Variants in ANK3 observed in about 807,000 individuals in gnomAD.
ANK3 encodes the protein ankyrin 3, also known as ankyrin-3.
Under a neutral mutation model 370.9 loss-of-function variants are expected in ANK3, and 57 were observed. That is an observed-to-expected ratio of 0.15 (90% CI 0.12 to 0.19). The LOEUF (loss-of-function observed/expected upper bound fraction) is 0.19. ANK3 is among the 10% of genes least tolerant of loss of function. The pLI is 1.00. For synonymous variants in ANK3, 1,929 were observed against 1,946.3 expected (o/e 0.99, Z 0.23); for missense variants, 4,439 against 5,302.1 (o/e 0.84, Z 5.06).
intron 9 of ANK3, among the ~76,000 whole-genome samples, chr10:60,210,503 G>A (rs1010355380): frequency 6.6e-6 from 1 of 152,164 alleles, no homozygotes; most frequent in Non-Finnish European, 1.5e-5. Flanking sequence ...TGGCAAGGAA[G>A]GAGCAAAACC....
At chr10:60,462,770 A>T (rs2064918564) in intron 2 of ANK3, among the ~76,000 whole-genome samples, 1 of 151,956 alleles carries the variant, frequency 6.6e-6, no homozygotes, top group South Asian at 2.1e-4. Flanking sequence ...AATTGGCTGG[A>T]GTGATGCCCA....
intron 1 of ANK3, among the ~76,000 whole-genome samples, chr10:60,348,862 A>C (rs1339649655): frequency 6.6e-6 from 1 of 152,238 alleles, no homozygotes; most frequent in Non-Finnish European, 1.5e-5. Context: ...TAAGGTCTCC[A>C]TAATTGTACA....
In ANK3 at chr10:60,068,742, G is replaced by C; in HGVS notation, c.12139C>G (p.Pro4047Ala). 1 of 1,614,152 alleles carries C rather than the reference G, an allele frequency of 6.2e-7. No homozygotes were observed. Among genetic ancestry groups the C allele is most frequent in the Non-Finnish European group, 8.5e-7 (1 of 1,180,014 alleles). ...CTAGCAGACTTCGTTGTAACCGAAG[G>C]CTGGCCACCCCGGGAAGTCTCGGAC... ...SLSETSRGGQ[P>A]SVTTKSARDK... Residue 4047 changes from proline (P) to alanine (A), a missense_variant, in exon 37 of 44, where the codon CCT becomes GCT. Coordinates refer to ENST00000280772, the MANE Select transcript of ANK3 (RefSeq NM_020987.5).
At chr10:60,124,469 C>A (rs2093655582) in intron 25 of ANK3, among the ~76,000 whole-genome samples, 1 of 152,140 alleles carries the variant, frequency 6.6e-6, no homozygotes, top group African/African-American at 2.4e-5. Context: ...GCCACTGTGC[C>A]CAGCCTACCT....
At chr10:60,316,570 A>G (rs1292696784) in intron 1 of ANK3, among the ~76,000 whole-genome samples, 1 of 152,190 alleles carries the variant, frequency 6.6e-6, no homozygotes, top group Non-Finnish European at 1.5e-5. Flanking sequence ...AGGTTAATTA[A>G]TGTATATAAA....
At chr10:60,159,077 G>C (rs965832350) in intron 23 of ANK3, among the ~76,000 whole-genome samples, 10 of 152,266 alleles carry the variant, frequency 6.6e-5, no homozygotes, top group Non-Finnish European at 1.2e-4. Context: ...GGCATAGTAA[G>C]TTCTTACCTA....
At chr10:60,602,003 A>T (rs547281490) in intron 2 of ANK3, among the ~76,000 whole-genome samples, 42 of 151,530 alleles carry the variant, frequency 2.8e-4, no homozygotes, top group African/African-American at 1.0e-3. Context: ...GCTTGTGCAT[A>T]AAATCTTCCT....
intron 2 of ANK3, among the ~76,000 whole-genome samples, chr10:60,537,189 T>C (rs759237734): frequency 5.9e-5 from 9 of 152,076 alleles, no homozygotes; most frequent in African/African-American, 9.7e-5. Context: ...TCAGAGACTG[T>C]TATTTTGTAG....
rs1589516011 is a variant in ANK3, at chr10:60,068,936, A to G, written c.11945T>C (p.Val3982Ala). The G allele has an allele frequency of 1.2e-6, 2 of 1,613,488 alleles. No individual in the cohort carries two copies. Among genetic ancestry groups the G allele is most frequent in the East Asian group, 2.2e-5 (1 of 44,850 alleles). Residue 3982 changes from valine (V) to alanine (A), a missense_variant, in exon 37 of 44, where the codon GTT becomes GCT. This residue lies in a region of ANK3 where 496 missense variants were observed against 529.3 expected (regional missense o/e 0.94). Coordinates refer to ENST00000280772, the MANE Select transcript of ANK3 (RefSeq NM_020987.5). ...TTTTTTTSCT[V>A]KVRKSQLKEV... ...CTTGAGCTGACTTTTCCTAACTTTA[A>G]CTGTGCAGCTGGTGGTGGTGGTAGT... is the stretch of plus-strand genomic sequence containing the variant.
At chr10:60,588,671 A>T (rs1251759154) in intron 2 of ANK3, among the ~76,000 whole-genome samples, 1 of 152,088 alleles carries the variant, frequency 6.6e-6, no homozygotes, top group Non-Finnish European at 1.5e-5. Flanking sequence ...CTGTAATCCC[A>T]GCACTGTGGG....
At chr10:60,221,137 T>G (rs1157033914) in intron 8 of ANK3, among the ~76,000 whole-genome samples, 2 of 150,318 alleles carry the variant, frequency 1.3e-5, no homozygotes, top group Non-Finnish European at 2.9e-5. Flanking sequence ...TGGAGAGCAA[T>G]AGTGTGATCT....
chr10:60,148,495 G>C (rs1403189003), intron 23 of ANK3, among the ~76,000 whole-genome samples: 1 of 152,132 alleles, frequency 6.6e-6, no homozygotes, highest in Non-Finnish European at 1.5e-5. Flanking sequence ...ACAGAATAAA[G>C]AGAATTCAGG....
chr10:60,180,265 G>A (rs998435433), intron 18 of ANK3, among the ~76,000 whole-genome samples: 1 of 150,900 alleles, frequency 6.6e-6, no homozygotes, highest in African/African-American at 2.4e-5. Context: ...ACAATATTTA[G>A]TAGTCATTCT....
At chr10:60,714,539 A>C (rs759758139) in intron 1 of ANK3, among the ~76,000 whole-genome samples, 6 of 152,244 alleles carry the variant, frequency 3.9e-5, no homozygotes, top group Non-Finnish European at 8.8e-5. Flanking sequence ...CATCTTGACC[A>C]AGTAAGATTT....
intron 2 of ANK3, among the ~76,000 whole-genome samples, chr10:60,423,298 G>T (rs2063815307): frequency 6.6e-6 from 1 of 150,648 alleles, no homozygotes; most frequent in Non-Finnish European, 1.5e-5. Flanking sequence ...GACAATCATT[G>T]ATTTTTAAAT....
At position 60,196,199 on chromosome 10, in the gene ANK3, C is replaced by T; in HGVS notation, c.1833G>A (p.Gln611=). The change falls in exon 16 of 44, where the codon CAG becomes CAA. Residue 611 remains glutamine (Q), a synonymous_variant. Coordinates refer to ENST00000280772, the MANE Select transcript of ANK3 (RefSeq NM_020987.5). ...GGTCCAAAAGCAGAAGGGCCACTTT[C>T]TGATTATCGTAATGTGCAGCTACAT... ...PLHVAAHYDN[Q]KVALLLLDQG... The T allele has an allele frequency of 6.2e-7, 1 of 1,613,990 alleles. No homozygotes were observed.
At chr10:60,386,307 C>A (rs2062303743) in intron 1 of ANK3, among the ~76,000 whole-genome samples, 1 of 151,590 alleles carries the variant, frequency 6.6e-6, no homozygotes, top group African/African-American at 2.4e-5. Context: ...GGCTAAGGGG[C>A]ATTTGTAAGT....
At chr10:60,104,983 C>T (rs928220142) in intron 28 of ANK3, among the ~76,000 whole-genome samples, 1 of 152,188 alleles carries the variant, frequency 6.6e-6, no homozygotes, top group African/African-American at 2.4e-5. Flanking sequence ...GTTCACCTCG[C>T]TCCTTTGTTC....
intron 23 of ANK3, among the ~76,000 whole-genome samples, chr10:60,147,966 G>A (rs1282353559): frequency 2.0e-5 from 3 of 152,220 alleles, no homozygotes; most frequent in Non-Finnish European, 2.9e-5. Flanking sequence ...ATTAAGTTGA[G>A]AAAATAGTTA....
Sources: allele counts gnomAD v4.1 joint callset (sites outside exome capture counted in the v4.1 genomes callset), GRCh38; gene constraint gnomAD v4.1.1; regional missense constraint gnomAD v4.1.1; transcripts MANE v1.5; gene names NCBI Gene and HGNC (gene_info 2026-07-23, HGNC 2026-07-21).